CSPP1: variants seen among roughly 807,000 people sequenced by gnomAD.
CSPP1 encodes the protein centrosome and spindle pole-associated protein 1.
CSPP1 carries 126 observed loss-of-function variants against 164.4 expected under a neutral mutation model. The observed-to-expected ratio is 0.77, with a 90% confidence interval of 0.66 to 0.89. CSPP1 has a LOEUF of 0.89. CSPP1 is among the 40% of genes least tolerant of loss of function. CSPP1 has a pLI of 0.00. For missense variants in CSPP1, 1,395 were observed against 1,449.8 expected (o/e 0.96, Z 0.61); for synonymous variants, 472 against 476.7 (o/e 0.99, Z 0.13).
intron 3 of CSPP1, chr8:67,083,548 A>AAAAAAAAAAAAAAAAATATATATATAT: frequency 1.1e-5 from 1 of 91,502 alleles, no homozygotes; most frequent in African/African-American, 4.5e-5. Flanking sequence ...AAAAAAAAAA[A>AAAAAAAAAAAAAAAAATATATATATAT]ATATATATAT....
intron 8 of CSPP1, among the ~76,000 whole-genome samples, chr8:67,104,767 A>G (rs56151126): frequency 2.0e-4 from 30 of 151,226 alleles, no homozygotes; most frequent in African/African-American, 7.0e-4. Context: ...CCTCCCGAGT[A>G]GCTGGGATTA....
chr8:67,137,399 C>T (rs1822557687), intron 16 of CSPP1, 57 bp from the exon 17 acceptor site: 2 of 1,229,910 alleles, frequency 1.6e-6, no homozygotes, highest in Admixed American at 3.4e-5. Context: ...GTATTACTAA[C>T]TTCTTGTATC....
chr8:67,151,949 G>C (rs372659802), intron 18 of CSPP1, among the ~76,000 whole-genome samples: 1 of 151,774 alleles, frequency 6.6e-6, no homozygotes, highest in African/African-American at 2.4e-5. Context: ...TTAGCTGGGC[G>C]TGGTGGCATG....
intron 7 of CSPP1, among the ~76,000 whole-genome samples, chr8:67,101,829 T>C (rs1413886221): frequency 6.6e-6 from 1 of 151,924 alleles, no homozygotes; most frequent in Non-Finnish European, 1.5e-5. Context: ...CCTAAAATAC[T>C]GAATACTGCT....
intron 8 of CSPP1, among the ~76,000 whole-genome samples, chr8:67,104,276 C>CT (rs1814873281): frequency 2.5e-5 from 2 of 79,548 alleles, no homozygotes; most frequent in East Asian, 3.9e-4. Context: ...TTTTTTTTTT[C>CT]TTTTTTGAGA....
intron 15 of CSPP1, among the ~76,000 whole-genome samples, chr8:67,124,856 T>C (rs1819755009): frequency 6.6e-6 from 1 of 151,972 alleles, no homozygotes; most frequent in Non-Finnish European, 1.5e-5. Flanking sequence ...TTTTTTTAAT[T>C]TTTTGTAGAG....
At position 67,102,270 on chromosome 8, in the gene CSPP1, T is replaced by C. The variant is rs940754836; in HGVS notation, c.924-767T>C. Among the ~76,000 whole-genome samples the C allele has an allele frequency of 5.3e-5, 8 of 152,190 alleles. No individual in the cohort carries two copies. The South Asian group carries it at 1.7e-3, about 31-fold the overall frequency. ...GGTTTGTTATATTTTATTTAATTTA[T>C]TGATAAGACTGCTGCTGTATTTTTA... On this transcript the variant is annotated intron_variant, in intron 7 of 30. Coordinates refer to ENST00000678616, the MANE Select transcript of CSPP1 (RefSeq NM_001382391.1).
intron 1 of CSPP1, among the ~76,000 whole-genome samples, chr8:67,066,744 T>C (rs995010970): frequency 4.6e-5 from 7 of 152,076 alleles, no homozygotes; most frequent in African/African-American, 9.7e-5. Flanking sequence ...TACATATATA[T>C]ACACACACAC....
At chr8:67,127,971 G>A (rs992156607) in intron 15 of CSPP1, among the ~76,000 whole-genome samples, 9 of 152,240 alleles carry the variant, frequency 5.9e-5, no homozygotes, top group South Asian at 2.1e-4. Context: ...TTTGATGTAC[G>A]CACAATCTGT....
chr8:67,105,570 G>A (rs925566908), intron 8 of CSPP1, among the ~76,000 whole-genome samples: 1 of 151,960 alleles, frequency 6.6e-6, no homozygotes, highest in African/African-American at 2.4e-5. Context: ...TTTTATTAGA[G>A]ACGGGGTTTC....
chr8:67,091,428 G>A (rs1811584707), intron 4 of CSPP1, among the ~76,000 whole-genome samples: 1 of 152,178 alleles, frequency 6.6e-6, no homozygotes, highest in South Asian at 2.1e-4. Flanking sequence ...ATATTTGTGA[G>A]GAAGTTTAAA....
chr8:67,118,058 T>A (rs1170680327), intron 13 of CSPP1, among the ~76,000 whole-genome samples, 190 bp from the exon 14 acceptor site: 1 of 152,194 alleles, frequency 6.6e-6, no homozygotes, highest in East Asian at 1.9e-4. Flanking sequence ...TACCTGAAAT[T>A]GTGAAATCCT....
At chr8:67,128,726 C>A (rs904998364) in intron 15 of CSPP1, among the ~76,000 whole-genome samples, 2 of 152,004 alleles carry the variant, frequency 1.3e-5, no homozygotes, top group South Asian at 4.1e-4. Context: ...ACACAAGGAT[C>A]CTAAAACTGA....
chr8:67,068,005 A>G lies in CSPP1; in HGVS notation c.-11+3467A>G, dbSNP rs1355599964. Among the ~76,000 whole-genome samples the G allele has an allele frequency of 4.6e-5, 7 of 152,176 alleles. No individual in the cohort carries two copies. In the East Asian group the frequency reaches 1.4e-3, roughly 29 times the overall value. ...GCTGGGACTACAGAGGTGTGCCACC[A>G]TGCCTGGCTAATTTTTGTATTTTTA... is the stretch of plus-strand genomic sequence containing the variant. On this transcript the variant is annotated intron_variant, in intron 1 of 30. Transcript: ENST00000678616.
Position 67,177,670 on chromosome 8 carries a change from T to C in CSPP1, c.3110-10T>C. The C allele has an allele frequency of 6.2e-7, 1 of 1,600,970 alleles. No homozygotes were observed. The highest frequency in any genetic ancestry group is 8.6e-7 in the Non-Finnish European group (1 of 1,169,216). On this transcript the variant is annotated splice_polypyrimidine_tract_variant and intron_variant, in intron 26 of 30. Coordinates refer to ENST00000678616, the MANE Select transcript of CSPP1 (RefSeq NM_001382391.1). ...CCTTTTAATTTGCTTTTGTTCTCCA[T>C]TGACTACAGTTGACTTAGATGCCAT...
At chr8:67,180,394 A>G (rs1832729030) in intron 28 of CSPP1, among the ~76,000 whole-genome samples, 1 of 152,246 alleles carries the variant, frequency 6.6e-6, no homozygotes, top group Non-Finnish European at 1.5e-5. Flanking sequence ...TTACAAAATT[A>G]AGAAATTGAG....
intron 25 of CSPP1, 165 bp from the exon 26 acceptor site, chr8:67,175,131 G>T: frequency 1.6e-6 from 1 of 615,324 alleles, no homozygotes. Context: ...ATATTCTTTA[G>T]TTTTGTGGCT....
In CSPP1 at chr8:67,175,441, G is replaced by A. The variant is rs772586492; in HGVS notation, c.3109+5G>A. 1 of 1,614,050 alleles carries A rather than the reference G, an allele frequency of 6.2e-7. No individual in the cohort carries two copies. The highest frequency in any genetic ancestry group is 8.5e-7 in the Non-Finnish European group (1 of 1,179,938). ...AAATGCAGGAAGGTGCCAAAGGTAA[G>A]AAATAATCATTGCTGTGTCAAATAG... On this transcript the variant is annotated splice_donor_5th_base_variant and intron_variant, in intron 26 of 30. Coordinates refer to ENST00000678616, the MANE Select transcript of CSPP1 (RefSeq NM_001382391.1).
chr8:67,156,912 G>T (rs1438774243), intron 19 of CSPP1, among the ~76,000 whole-genome samples: 4 of 152,218 alleles, frequency 2.6e-5, no homozygotes, highest in African/African-American at 9.6e-5. Flanking sequence ...CAGGAAGATA[G>T]CTTTCCCTGC....
Sources: allele counts gnomAD v4.1 joint callset (sites outside exome capture counted in the v4.1 genomes callset), GRCh38; gene constraint gnomAD v4.1.1; transcripts MANE v1.5; gene names NCBI Gene and HGNC (gene_info 2026-07-23, HGNC 2026-07-21).